Variants in ARHGEF37 observed in about 807,000 individuals in gnomAD.
ARHGEF37 encodes the protein Rho guanine nucleotide exchange factor 37, also known as Rho guanine nucleotide exchange factor (GEF) 37.
In ARHGEF37, 55 loss-of-function variants were observed where a neutral mutation model predicts 71.1. The ratio of observed to expected loss-of-function variants is 0.77; its 90% CI spans 0.62 to 0.97. ARHGEF37 has a LOEUF of 0.97. Among genes scored for constraint, ARHGEF37 ranks in the 50% least tolerant of loss-of-function variants. The probability of loss-of-function intolerance (pLI) is 0.00; values close to 1 mark genes in which losing one functional copy is unlikely to be tolerated. For synonymous variants in ARHGEF37, 327 were observed against 350.6 expected, an observed-to-expected ratio of 0.93 and a Z score of 0.75; for missense variants, 765 against 836.8, an observed-to-expected ratio of 0.91 and a Z score of 1.06.
intron 10 of ARHGEF37, among the ~76,000 whole-genome samples, chr5:149,625,045 C>T (rs192405506): frequency 4.0e-5 from 6 of 151,752 alleles, no homozygotes; most frequent in Admixed American, 3.9e-4. Context: ...ATTACAGGCA[C>T]CCACCACTAC....
chr5:149,628,752 C>T, intron 11 of ARHGEF37, 57 bp from the exon 12 acceptor site: 1 of 1,538,666 alleles, frequency 6.5e-7, no homozygotes, highest in South Asian at 1.2e-5. Flanking sequence ...TTTTCTCCCT[C>T]ATTAAAAGGG....
At chr5:149,608,866 C>T (rs779990461) in intron 3 of ARHGEF37, among the ~76,000 whole-genome samples, 1 of 152,054 alleles carries the variant, frequency 6.6e-6, no homozygotes, top group Non-Finnish European at 1.5e-5. Context: ...TTGTGCTTGC[C>T]ACACATTTTA....
intron 4 of ARHGEF37, among the ~76,000 whole-genome samples, chr5:149,611,623 C>T (rs962000193): frequency 2.6e-5 from 4 of 152,246 alleles, no homozygotes; most frequent in Non-Finnish European, 4.4e-5. Flanking sequence ...TCTTATGTCT[C>T]AGGATCTAGT....
intron 3 of ARHGEF37, among the ~76,000 whole-genome samples, chr5:149,602,181 C>T (rs182795085): frequency 3.0e-4 from 46 of 151,788 alleles, no homozygotes; most frequent in African/African-American, 1.0e-3. Context: ...CTCAGCCTCC[C>T]GAGTAGCTGA....
At chr5:149,627,050 G>A in intron 10 of ARHGEF37, 26 bp from the exon 11 acceptor site, 2 of 1,589,866 alleles carry the variant, frequency 1.3e-6, no homozygotes, top group Non-Finnish European at 1.7e-6. Context: ...AAGCACTTGT[G>A]TCTGTCTGTG....
At chr5:149,554,329 C>G (rs187667297) in intron 1 of ARHGEF37, among the ~76,000 whole-genome samples, 18 of 152,206 alleles carry the variant, frequency 1.2e-4, no homozygotes, top group Non-Finnish European at 2.5e-4. Context: ...GACCTTGTCT[C>G]AATAAATGAA....
At chr5:149,612,898 T>C (rs759553207) in intron 4 of ARHGEF37, among the ~76,000 whole-genome samples, 8 of 152,204 alleles carry the variant, frequency 5.3e-5, no homozygotes, top group Non-Finnish European at 7.3e-5. Flanking sequence ...CCACCCTTTA[T>C]TTGGGTAGGA....
chr5:149,565,193 G>A (rs1028894100), intron 1 of ARHGEF37, among the ~76,000 whole-genome samples: 2 of 152,134 alleles, frequency 1.3e-5, no homozygotes, highest in Admixed American at 1.3e-4. Flanking sequence ...TAAGAAAAAC[G>A]GGGCCTTTTA....
intron 1 of ARHGEF37, among the ~76,000 whole-genome samples, chr5:149,576,239 C>T (rs938676907): frequency 1.6e-4 from 24 of 152,282 alleles, no homozygotes; most frequent in African/African-American, 5.1e-4. Context: ...AGCGAGACTC[C>T]GTCTCAAAAG....
chr5:149,591,637 G>A (rs908036471), intron 1 of ARHGEF37, among the ~76,000 whole-genome samples: 1 of 152,192 alleles, frequency 6.6e-6, no homozygotes, highest in Non-Finnish European at 1.5e-5. Flanking sequence ...GACTTATGAT[G>A]ATTCGACTTT....
chr5:149,613,867 G>T (rs1386787368), intron 4 of ARHGEF37, among the ~76,000 whole-genome samples: 3 of 151,578 alleles, frequency 2.0e-5, no homozygotes, highest in Non-Finnish European at 4.4e-5. Flanking sequence ...AGGCTCAGGG[G>T]ATCCTCCTAC....
intron 1 of ARHGEF37, among the ~76,000 whole-genome samples, chr5:149,566,493 C>T (rs1328622402): frequency 6.6e-6 from 1 of 151,412 alleles, no homozygotes; most frequent in African/African-American, 2.4e-5. Flanking sequence ...GCGAGACTGT[C>T]TCAACCCCCC....
At chr5:149,553,999 C>T (rs1300467564) in intron 1 of ARHGEF37, among the ~76,000 whole-genome samples, 2 of 152,006 alleles carry the variant, frequency 1.3e-5, no homozygotes, top group East Asian at 3.9e-4. Context: ...GAAACCCTGT[C>T]TCTACTAAAA....
intron 10 of ARHGEF37, among the ~76,000 whole-genome samples, chr5:149,626,052 C>T (rs1752675287): frequency 2.0e-5 from 3 of 152,298 alleles, no homozygotes; most frequent in South Asian, 4.1e-4. Context: ...AAAACTACCT[C>T]GTCTCTACAT....
At position 149,565,829 on chromosome 5, in the gene ARHGEF37, ATTT is replaced by A. The variant is rs201683478; in HGVS notation, c.-12+13739_-12+13741del. 3.0e-4 allele frequency among the ~76,000 whole-genome samples: 25 copies of A among 84,548 alleles called. No individual in the cohort carries two copies. The East Asian group carries it at 5.0e-3, about 17-fold the overall frequency. 55.5% of individuals were successfully genotyped at this position (84,548 alleles called of 152,430 possible). On this transcript the variant is annotated intron_variant, in intron 1 of 2. Transcript: ENST00000505810. Reference sequence around the variant, plus strand: ...TAGCTTTGTAATGTCAGAAACTCTAATTTTTTTTTTTTTTTTTTTTTTTTTTTT... The same window carrying A: ...TAGCTTTGTAATGTCAGAAACTCTAATTTTTTTTTTTTTTTTTTTTTTTTT...
intron 1 of ARHGEF37, among the ~76,000 whole-genome samples, chr5:149,571,210 G>A (rs1762958762): frequency 6.6e-6 from 1 of 152,050 alleles, no homozygotes; most frequent in Non-Finnish European, 1.5e-5. Context: ...CCAAAGGGCT[G>A]GGATTACAGG....
At chr5:149,553,024 A>T (rs1762705465) in intron 1 of ARHGEF37, among the ~76,000 whole-genome samples, 1 of 152,120 alleles carries the variant, frequency 6.6e-6, no homozygotes, top group South Asian at 2.1e-4. Flanking sequence ...CCAACTCCCA[A>T]ATCAGCACTG....
intron 9 of ARHGEF37, among the ~76,000 whole-genome samples, chr5:149,623,316 T>C (rs904662395): frequency 6.6e-6 from 1 of 152,156 alleles, no homozygotes; most frequent in African/African-American, 2.4e-5. Flanking sequence ...TGAATGTGTT[T>C]CTCCTCAAGC....
At position 149,598,761 on chromosome 5, in the gene ARHGEF37, T is replaced by TAGATAGATAG. The variant is rs1221841533; in HGVS notation, c.186+807_186+808insGATAGATAGA. ...TCATATATATATATCTATATATAGA[T>TAGATAGATAG]ATAGATATAGATATAGATATATAGA... On this transcript the variant is annotated intron_variant, in intron 2 of 12. Transcript: ENST00000333677. 3.7e-3 allele frequency among the ~76,000 whole-genome samples: 279 copies of TAGATAGATAG among 75,594 alleles called. 4 individuals are homozygous for TAGATAGATAG. The highest frequency in any genetic ancestry group is 0.013 in the African/African-American group (261 of 20,142). The allele number at this position is 75,594 out of a possible 152,430, so 49.6% of individuals were successfully genotyped here.
Sources: allele counts gnomAD v4.1 joint callset (sites outside exome capture counted in the v4.1 genomes callset), GRCh38; gene constraint gnomAD v4.1.1; transcripts MANE v1.5; gene names NCBI Gene and HGNC (gene_info 2026-07-23, HGNC 2026-07-21).